PIK3C2A: variants seen among roughly 807,000 people sequenced by gnomAD.
PIK3C2A encodes phosphatidylinositol 4-phosphate 3-kinase C2 domain-containing subunit alpha.
Under a neutral mutation model 204.5 loss-of-function variants are expected in PIK3C2A, and 97 were observed. The ratio of observed to expected loss-of-function variants is 0.47; its 90% CI spans 0.40 to 0.56. The LOEUF (loss-of-function observed/expected upper bound fraction) is 0.56, where lower values mean the gene tolerates loss of function less well. Ranked by LOEUF, PIK3C2A falls within the 20% of genes least tolerant of loss-of-function variation. PIK3C2A has a pLI of 0.00. For synonymous variants in PIK3C2A, 653 were observed against 664.4 expected, an observed-to-expected ratio of 0.98 and a Z score of 0.26; for missense variants, 1,735 against 1,969.2, an observed-to-expected ratio of 0.88 and a Z score of 2.25.
In PIK3C2A at chr11:17,102,816, T is replaced by TA; in HGVS notation, c.3696dup (p.Ile1233TyrfsTer18). 5 of 1,596,544 alleles carry TA rather than the reference T, an allele frequency of 3.1e-6. No homozygotes were observed. Among genetic ancestry groups the TA allele is most frequent in the Non-Finnish European group, 4.3e-6 (5 of 1,171,506 alleles). On this transcript the variant is annotated frameshift_variant, in exon 24 of 33. Transcript: ENST00000691414. LOFTEE classifies it high-confidence loss of function. ...ACACAGCATCCAGCACAGGAATAGATAAAGTTCTCTGAAGCCTATAAAAAA... is the reference window on the plus strand; with the variant it reads ...ACACAGCATCCAGCACAGGAATAGATAAAAGTTCTCTGAAGCCTATAAAAAA...
At chr11:17,169,907 A>G in intron 1 of PIK3C2A, 101 bp from the exon 2 acceptor site, 1 of 571,516 alleles carries the variant, frequency 1.7e-6, no homozygotes, top group Middle Eastern at 4.6e-4. Flanking sequence ...AGCCACTTAG[A>G]AAAATATACT....
At chr11:17,147,138 T>C (rs1850268903) in intron 6 of PIK3C2A, among the ~76,000 whole-genome samples, 1 of 152,186 alleles carries the variant, frequency 6.6e-6, no homozygotes, top group Non-Finnish European at 1.5e-5. Context: ...GAATAATTTA[T>C]TTTTCTCAGT....
At chr11:17,092,603 C>A (rs534023896) in intron 28 of PIK3C2A, among the ~76,000 whole-genome samples, 14 of 152,180 alleles carry the variant, frequency 9.2e-5, no homozygotes, top group African/African-American at 3.4e-4. Flanking sequence ...ACCTGGGAAG[C>A]GGAAGTTGCA....
chr11:17,158,279 C>T (rs1263235644), intron 2 of PIK3C2A, among the ~76,000 whole-genome samples: 5 of 151,154 alleles, frequency 3.3e-5, no homozygotes, highest in African/African-American at 7.3e-5. Context: ...ACCCGGGAGG[C>T]GGAGGTTGCA....
At position 17,202,531 on chromosome 11, in the gene PIK3C2A, G is replaced by A. The variant is rs562662473; in HGVS notation, c.-66+5317C>T. ...AGAGGTTGCAGTAGGCTGAGATGGA[G>A]CCACTGCACTCCAGCCTGAGCGACA... is the stretch of plus-strand genomic sequence containing the variant. On this transcript the variant is annotated intron_variant, in intron 1 of 32. Transcript: ENST00000691414. Among the ~76,000 whole-genome samples, 49 of 151,886 alleles carry A rather than the reference G, an allele frequency of 3.2e-4. 1 individual carries two copies. The Middle Eastern group carries it at 0.02, about 63-fold the overall frequency.
Position 17,102,667 on chromosome 11 carries a change from G to C in PIK3C2A, c.3846C>G (p.Phe1282Leu), listed in dbSNP as rs374840811. 1 of 1,607,160 alleles carries C rather than the reference G, an allele frequency of 6.2e-7. No homozygotes were observed. The highest frequency in any genetic ancestry group is 1.3e-5 in the African/African-American group (1 of 74,558). Reference sequence around the variant, plus strand: ...CAACAGCAATAACATTATACCTTTTGAAGCTGCCAAACATCTGTGCATGTC... The same window carrying C: ...CAACAGCAATAACATTATACCTTTTCAAGCTGCCAAACATCTGTGCATGTC... ...FLGHAQMFGS[F>L]KRDRAPFVLT... The change falls in exon 24 of 33, where the codon TTC (phenylalanine) becomes TTG (leucine). Residue 1282 changes from phenylalanine to leucine, a missense_variant. Phe to Leu is a conservative substitution (Grantham distance 22, BLOSUM62 0). Coordinates refer to ENST00000691414, the MANE Select transcript of PIK3C2A (RefSeq NM_002645.4).
intron 1 of PIK3C2A, among the ~76,000 whole-genome samples, chr11:17,207,429 C>T (rs536868434): frequency 1.3e-5 from 2 of 152,282 alleles, no homozygotes; most frequent in East Asian, 3.9e-4. Context: ...AACACACACA[C>T]TCGCCAGAAC....
intron 1 of PIK3C2A, among the ~76,000 whole-genome samples, chr11:17,199,903 CA>C (rs35435978): frequency 0.59 from 62,485 of 106,768 alleles, 15,706 homozygotes; most frequent in East Asian, 0.77. Context: ...GCCTCCATCT[CA>C]AAAAAAAAAA....
chr11:17,177,695 C>T (rs1851382457), intron 1 of PIK3C2A, among the ~76,000 whole-genome samples: 1 of 152,098 alleles, frequency 6.6e-6, no homozygotes, highest in Non-Finnish European at 1.5e-5. Flanking sequence ...ATGAAAGAAA[C>T]CAAGTACTCT....
intron 1 of PIK3C2A, among the ~76,000 whole-genome samples, chr11:17,185,546 C>T (rs1328177595): frequency 6.6e-6 from 1 of 152,148 alleles, no homozygotes; most frequent in East Asian, 1.9e-4. Flanking sequence ...GGTGGGGAAA[C>T]TACTATAGTA....
rs572124221 is a variant in PIK3C2A at position 17,158,358 on chromosome 11, T to A, written c.1066-2729A>T. ...AGCAAAACTCCGTCTCAAAAAAAAA[T>A]AATAATAATAATAAATATATATATA... On this transcript the variant is annotated intron_variant, in intron 2 of 32. Coordinates refer to ENST00000691414, the MANE Select transcript of PIK3C2A (RefSeq NM_002645.4). Among the ~76,000 whole-genome samples the A allele has an allele frequency of 8.5e-3, 1,249 of 147,216 alleles. 18 individuals are homozygous for A. The highest frequency in any genetic ancestry group is 0.023 in the African/African-American group (937 of 40,208).
chr11:17,090,039 ATTATGACACATCCGGTAGG>A, intron 32 of PIK3C2A, 119 bp from the exon 33 acceptor site: 1 of 696,354 alleles, frequency 1.4e-6, no homozygotes, highest in Non-Finnish European at 2.4e-6. Context: ...AGTGACACTG[ATTATGACACATCCGGTAGG>A]TTTTGTCTGA....
chr11:17,128,301 G>GA (rs1165462676), intron 13 of PIK3C2A, among the ~76,000 whole-genome samples: 2 of 149,586 alleles, frequency 1.3e-5, no homozygotes, highest in Non-Finnish European at 3.0e-5. Flanking sequence ...GGGGGGTGGG[G>GA]AGGGGCTCAC....
chr11:17,150,655 T>A lies in PIK3C2A; in HGVS notation c.1170A>T (p.Lys390Asn). Residue 390 changes from lysine (K) to asparagine (N), a missense_variant and splice_region_variant, in exon 4 of 33, where the codon AAA (lysine) becomes AAT (asparagine). Lys to Asn is a moderately conservative substitution (Grantham distance 94). Around this residue, in one of 6 missense-constraint regions of PIK3C2A, gnomAD observed 536 missense variants for 546.7 expected, o/e 0.98. Coordinates refer to ENST00000691414, the MANE Select transcript of PIK3C2A (RefSeq NM_002645.4). ...EMAAFCRSIT[K>N]LKTKFPYTNH... ...TGGTATATGGAAATTTGGTCTTCAA[T>A]CTGTTCACAAGAAAGAAGAAATTAA... is the stretch of plus-strand genomic sequence containing the variant. 6.3e-7 allele frequency: 1 copy of A among 1,591,644 alleles called. No homozygotes were observed. The highest frequency in any genetic ancestry group is 8.5e-7 in the Non-Finnish European group (1 of 1,171,226).
At chr11:17,177,153 C>T (rs1851365770) in intron 1 of PIK3C2A, among the ~76,000 whole-genome samples, 1 of 152,110 alleles carries the variant, frequency 6.6e-6, no homozygotes, top group Non-Finnish European at 1.5e-5. Flanking sequence ...ATAATTTACC[C>T]ACTATAAATA....
intron 1 of PIK3C2A, among the ~76,000 whole-genome samples, chr11:17,181,378 A>G (rs1018116740): frequency 6.6e-6 from 1 of 151,684 alleles, no homozygotes; most frequent in Admixed American, 6.6e-5. Context: ...AGTTCACTCA[A>G]TGGAATTCTA....
At chr11:17,104,999 C>T (rs1590910137) in intron 23 of PIK3C2A, among the ~76,000 whole-genome samples, 170 bp downstream of exon 23, 2 of 152,120 alleles carry the variant, frequency 1.3e-5, no homozygotes, top group South Asian at 4.1e-4. Flanking sequence ...AGATTCCTGC[C>T]ATTAAATGCG....
intron 8 of PIK3C2A, among the ~76,000 whole-genome samples, chr11:17,143,040 T>C (rs1850117616): frequency 6.6e-6 from 1 of 151,496 alleles, no homozygotes; most frequent in Admixed American, 6.6e-5. Context: ...GGCTGCAAAA[T>C]ACAATTTATA....
chr11:17,122,636 TAC>T (rs145992200), intron 14 of PIK3C2A, 64 bp downstream of exon 14: 14 of 770,452 alleles, frequency 1.8e-5, no homozygotes, highest in Non-Finnish European at 3.2e-5. Flanking sequence ...AATCATGGTA[TAC>T]ACACACACAT....
Sources: gnomAD v4.1 joint callset for allele counts (sites outside exome capture counted in the v4.1 genomes callset) on GRCh38, gnomAD v4.1.1 for gene constraint, gnomAD v4.1.1 regional missense constraint, MANE v1.5 for transcripts, NCBI Gene and HGNC (gene_info 2026-07-23, HGNC 2026-07-21) for gene names.